The following MCU variants were observed in gnomAD, a reference collection of about 807,000 sequenced individuals.
The protein encoded by MCU is mitochondrial calcium uniporter.
Under a neutral mutation model 45.2 loss-of-function variants are expected in MCU, and 12 were observed. The observed-to-expected ratio is 0.27, with a 90% CI of 0.17 to 0.43. The LOEUF (loss-of-function observed/expected upper bound fraction) is 0.43. Among genes scored for constraint, MCU ranks in the 20% least tolerant of loss-of-function variants. MCU has a pLI of 1.00. For synonymous variants in MCU, 160 were observed against 165.1 expected (o/e 0.97, Z 0.24); for missense variants, 324 against 436.7 (o/e 0.74, Z 2.30).
At chr10:72,877,639 G>C (rs1845637132) in intron 6 of MCU, among the ~76,000 whole-genome samples, 2 of 152,026 alleles carry the variant, frequency 1.3e-5, no homozygotes, top group Non-Finnish European at 2.9e-5. Context: ...AGATACTAGA[G>C]AACTAACAAA....
chr10:72,755,703 G>A (rs777607552), intron 1 of MCU, among the ~76,000 whole-genome samples: 1 of 152,202 alleles, frequency 6.6e-6, no homozygotes, highest in Non-Finnish European at 1.5e-5. Flanking sequence ...TTGAACGGCG[G>A]AAGCATAAAT....
chr10:72,692,807 C>G (rs1317413886), intron 1 of MCU: 1 of 1,414,382 alleles, frequency 7.1e-7, no homozygotes, highest in Non-Finnish European at 9.2e-7. Flanking sequence ...CCGGCGGGGC[C>G]GCCCCTCGTC....
At chr10:72,787,682 C>G (rs1252086902) in intron 1 of MCU, among the ~76,000 whole-genome samples, 2 of 151,746 alleles carry the variant, frequency 1.3e-5, no homozygotes, top group Non-Finnish European at 2.9e-5. Context: ...TCTTAGCAGC[C>G]ATAGACCTTG....
chr10:72,765,724 G>A lies in MCU; in HGVS notation c.151-68635G>A, dbSNP rs559772848. ...CAGGAGGATTGCTTAAGCCCAATAT[G>A]TTGATGCTGCAGTGAGTTATGATCT... On this transcript the variant is annotated intron_variant, in intron 1 of 7. Coordinates refer to ENST00000373053, the MANE Select transcript of MCU (RefSeq NM_138357.3). Among the ~76,000 whole-genome samples, 6 of 118,938 alleles carry A rather than the reference G, an allele frequency of 5.0e-5. No individual in the cohort carries two copies. The South Asian group carries it at 1.4e-3, about 28-fold the overall frequency. The allele number at this position is 118,938 out of a possible 152,430, so 78.0% of individuals were successfully genotyped here. A position where few individuals can be genotyped will look rare whatever the true frequency, so the allele number is the denominator to read the frequency against.
chr10:72,818,251 A>C lies in MCU; in HGVS notation c.151-16108A>C, dbSNP rs150935840. The stretch of plus-strand genomic sequence containing the variant: ...TGCTTCAAAGCTAGGATTAGTGAGC[A>C]GAGAGAGGCTAAGTGTGAGCAAACC... On this transcript the variant is annotated intron_variant, in intron 1 of 7. Transcript: ENST00000373053. Among the ~76,000 whole-genome samples, 522 of 152,332 alleles carry C rather than the reference A, an allele frequency of 3.4e-3. 3 individuals are homozygous for C. The highest frequency in any genetic ancestry group is 0.011 in the African/African-American group (474 of 41,586).
At chr10:72,827,304 A>G (rs1365541701) in intron 1 of MCU, among the ~76,000 whole-genome samples, 6 of 152,204 alleles carry the variant, frequency 3.9e-5, no homozygotes, top group Non-Finnish European at 8.8e-5. Context: ...AGTAATAGTG[A>G]ACAATACATT....
intron 1 of MCU, among the ~76,000 whole-genome samples, chr10:72,789,925 T>C (rs540257681): frequency 7.2e-5 from 11 of 152,286 alleles, no homozygotes; most frequent in African/African-American, 2.4e-4. Flanking sequence ...GGAAAATGAA[T>C]GTGAAAGCTA....
At chr10:72,858,256 T>G (rs7069276) in intron 2 of MCU, among the ~76,000 whole-genome samples, 94,975 of 152,000 alleles carry the variant, frequency 0.62, 31,188 homozygotes, top group African/African-American at 0.72. Flanking sequence ...GCACAACTGA[T>G]CTTCATGCCC....
intron 1 of MCU, among the ~76,000 whole-genome samples, chr10:72,792,166 G>A (rs900042108): frequency 2.0e-5 from 3 of 152,212 alleles, no homozygotes; most frequent in Admixed American, 6.5e-5. Context: ...GGAGGACCGG[G>A]CAGCTAATGC....
intron 1 of MCU, among the ~76,000 whole-genome samples, chr10:72,780,242 TG>T (rs1280898066): frequency 3.9e-5 from 6 of 152,038 alleles, no homozygotes; most frequent in African/African-American, 7.3e-5. Context: ...AGTAGATTAG[TG>T]GTTGCCAGGG....
At chr10:72,794,583 C>G (rs1844216407) in intron 1 of MCU, among the ~76,000 whole-genome samples, 2 of 152,286 alleles carry the variant, frequency 1.3e-5, no homozygotes, top group African/African-American at 4.8e-5. Flanking sequence ...TCATTTTGTT[C>G]TGTTTCTGTC....
intron 1 of MCU, among the ~76,000 whole-genome samples, chr10:72,729,251 G>A (rs908524633): frequency 3.9e-5 from 6 of 152,120 alleles, no homozygotes; most frequent in Non-Finnish European, 8.8e-5. Flanking sequence ...GATCACCTGA[G>A]GTCAGGAGTT....
At chr10:72,769,639 CACCCATTTAAAATGTA>C (rs1026929578) in intron 1 of MCU, among the ~76,000 whole-genome samples, 3 of 152,212 alleles carry the variant, frequency 2.0e-5, no homozygotes, top group African/African-American at 7.2e-5. Flanking sequence ...CCATACAATT[CACCCATTTAAAATGTA>C]ACCCATTTCA....
At chr10:72,835,911 C>T (rs181961157) in intron 2 of MCU, among the ~76,000 whole-genome samples, 42 of 152,242 alleles carry the variant, frequency 2.8e-4, no homozygotes, top group African/African-American at 9.6e-4. Flanking sequence ...GGCCAAGAGC[C>T]AGAGGACCAT....
At chr10:72,703,650 A>T (rs1163417546) in intron 1 of MCU, among the ~76,000 whole-genome samples, 1 of 152,202 alleles carries the variant, frequency 6.6e-6, no homozygotes, top group Non-Finnish European at 1.5e-5. Context: ...CACACCTGTA[A>T]TCCCAGCACT....
At chr10:72,763,590 G>A (rs954991751) in intron 1 of MCU, among the ~76,000 whole-genome samples, 1 of 152,088 alleles carries the variant, frequency 6.6e-6, no homozygotes, top group Non-Finnish European at 1.5e-5. Flanking sequence ...TGGAGAGAAA[G>A]GTTTGATTAT....
In MCU at chr10:72,692,318, G is replaced by A. The variant is rs1842632995; in HGVS notation, c.150+17G>A. The A allele has an allele frequency of 4.1e-6, 5 of 1,205,244 alleles. No individual in the cohort carries two copies. The South Asian group carries it at 2.1e-4, about 50-fold the overall frequency. 74.7% of individuals were successfully genotyped at this position (1,205,244 alleles called of 1,614,324 possible). ...CACCGGACGGTGAGCGAGCGCGCCC[G>A]GAGGCTCCGGGGAGGGCGGGGCGGC... On this transcript the variant is annotated intron_variant, in intron 1 of 7. Coordinates refer to ENST00000373053, the MANE Select transcript of MCU (RefSeq NM_138357.3).
intron 1 of MCU, among the ~76,000 whole-genome samples, chr10:72,763,853 T>G (rs887190982): frequency 6.6e-6 from 1 of 152,100 alleles, no homozygotes; most frequent in Non-Finnish European, 1.5e-5. Flanking sequence ...CCATCAGAGA[T>G]AGGAAAATAC....
rs560709755 is a variant in MCU at position 72,734,839 on chromosome 10, A to G, written c.150+42538A>G. On this transcript the variant is annotated intron_variant, in intron 1 of 7. Coordinates refer to ENST00000373053, the MANE Select transcript of MCU (RefSeq NM_138357.3). ...CACTATGTTGCCCAGGCTAGTCTTGAACTCCTGGCTCAAGCTATTCTCCCA... is the reference window on the plus strand; with the variant it reads ...CACTATGTTGCCCAGGCTAGTCTTGGACTCCTGGCTCAAGCTATTCTCCCA... 3.3e-5 allele frequency among the ~76,000 whole-genome samples: 5 copies of G among 151,808 alleles called. 1 individual carries two copies. In the South Asian group the frequency reaches 1.0e-3, roughly 32 times the overall value.
Sources: gnomAD v4.1 joint callset for allele counts (sites outside exome capture counted in the v4.1 genomes callset) on GRCh38, gnomAD v4.1.1 for gene constraint, MANE v1.5 for transcripts, NCBI Gene and HGNC (gene_info 2026-07-23, HGNC 2026-07-21) for gene names.